The following KALRN variants were observed in gnomAD, a reference collection of about 807,000 sequenced individuals.
KALRN encodes kalirin RhoGEF kinase.
In KALRN, 70 loss-of-function variants were observed where a neutral mutation model predicts 353.7. The observed-to-expected ratio is 0.20, with a 90% CI of 0.16 to 0.24. The LOEUF is 0.24. Among genes scored for constraint, KALRN ranks in the 10% least tolerant of loss-of-function variants. The pLI is 1.00. For synonymous variants in KALRN, 1,391 were observed against 1,434.8 expected (o/e 0.97, Z 0.69); for missense variants, 2,791 against 3,756.7 (o/e 0.74, Z 6.72).
intron 1 of KALRN, among the ~76,000 whole-genome samples, chr3:124,182,061 G>A (rs577876945): frequency 1.2e-4 from 19 of 152,288 alleles, no homozygotes; most frequent in East Asian, 3.9e-4. Context: ...AAAATTATCC[G>A]AAGGGAATTA....
chr3:124,644,175 C>A (rs657715), intron 37 of KALRN, among the ~76,000 whole-genome samples: 35,541 of 151,656 alleles, frequency 0.23, 4,431 homozygotes, highest in East Asian at 0.46. Context: ...ATTTTCTATC[C>A]GTGTATATTT....
At chr3:124,472,741 C>G (rs1364276572) in intron 25 of KALRN, among the ~76,000 whole-genome samples, 1 of 152,056 alleles carries the variant, frequency 6.6e-6, no homozygotes, top group African/African-American at 2.4e-5. Flanking sequence ...AAAATTTGCA[C>G]TTTAATGGTC....
intron 10 of KALRN, among the ~76,000 whole-genome samples, chr3:124,372,621 T>G (rs2085999951): frequency 6.6e-6 from 1 of 151,776 alleles, no homozygotes; most frequent in Non-Finnish European, 1.5e-5. Flanking sequence ...ATTTATTTTT[T>G]TATTTATTAT....
chr3:124,449,263 G>A (rs943092167), intron 21 of KALRN, among the ~76,000 whole-genome samples: 18 of 152,090 alleles, frequency 1.2e-4, no homozygotes, highest in Admixed American at 2.0e-4. Context: ...TAATAATACT[G>A]TGGTCCAAAG....
chr3:124,595,643 T>C (rs2076199490), intron 34 of KALRN, among the ~76,000 whole-genome samples: 1 of 152,182 alleles, frequency 6.6e-6, no homozygotes, highest in South Asian at 2.1e-4. Context: ...AGTTCCAGAA[T>C]CAAAGGGTGT....
At chr3:124,067,825 G>T (rs2042501759) in intron 1 of KALRN, among the ~76,000 whole-genome samples, 1 of 152,232 alleles carries the variant, frequency 6.6e-6, no homozygotes, top group Non-Finnish European at 1.5e-5. Context: ...CTGATGAACT[G>T]CTCTGGGTTC....
intron 45 of KALRN, among the ~76,000 whole-genome samples, chr3:124,664,087 A>C (rs1161536969): frequency 6.6e-6 from 1 of 151,874 alleles, no homozygotes; most frequent in African/African-American, 2.4e-5. Flanking sequence ...GTTCTTAACC[A>C]TTTTTCTTCC....
chr3:124,226,802 C>T (rs2078560058), intron 1 of KALRN, among the ~76,000 whole-genome samples: 1 of 152,150 alleles, frequency 6.6e-6, no homozygotes, highest in South Asian at 2.1e-4. Flanking sequence ...TTGTTTTCCT[C>T]TGTCAATTGT....
intron 8 of KALRN, among the ~76,000 whole-genome samples, chr3:124,332,704 A>G (rs1291349735): frequency 6.6e-6 from 1 of 152,114 alleles, no homozygotes; most frequent in Non-Finnish European, 1.5e-5. Context: ...AGTGTTGGGG[A>G]ACCGAGGAAA....
chr3:124,146,486 G>C (rs561653098), intron 1 of KALRN, among the ~76,000 whole-genome samples: 1 of 152,256 alleles, frequency 6.6e-6, no homozygotes, highest in South Asian at 2.1e-4. Context: ...ACTGCAAATG[G>C]CTCGAGGAGA....
At chr3:124,344,294 G>T (rs541934451) in intron 9 of KALRN, among the ~76,000 whole-genome samples, 57 of 152,314 alleles carry the variant, frequency 3.7e-4, no homozygotes, top group African/African-American at 1.4e-3. Flanking sequence ...AGAATCTCAA[G>T]CCACACATAA....
Position 124,301,812 on chromosome 3 carries a change from G to C in KALRN, c.1092+2899G>C, listed in dbSNP as rs530098576. ...TGGATTGTTGTGTAGATTCACTGCA[G>C]CGTTTCCGTTCTTGGAAATTATACA... On this transcript the variant is annotated intron_variant, in intron 6 of 59. Coordinates refer to ENST00000682506, the MANE Select transcript of KALRN (RefSeq NM_001388419.1). Among the ~76,000 whole-genome samples the C allele has an allele frequency of 2.0e-5, 3 of 152,034 alleles. No individual in the cohort carries two copies. The South Asian group carries it at 6.2e-4, about 32-fold the overall frequency.
chr3:124,605,529 C>T (rs1171485615), intron 34 of KALRN, among the ~76,000 whole-genome samples: 1 of 150,072 alleles, frequency 6.7e-6, no homozygotes, highest in Non-Finnish European at 1.5e-5. Context: ...GCTGAGATCA[C>T]GCTATTGCAC....
chr3:124,276,833 C>T (rs1319717440), intron 5 of KALRN, among the ~76,000 whole-genome samples: 1 of 152,218 alleles, frequency 6.6e-6, no homozygotes, highest in African/African-American at 2.4e-5. Context: ...ATAGGGGCAT[C>T]ATTTCACAGA....
At chr3:124,064,076 C>T (rs2042166139) in intron 1 of KALRN, among the ~76,000 whole-genome samples, 1 of 152,100 alleles carries the variant, frequency 6.6e-6, no homozygotes, top group Non-Finnish European at 1.5e-5. Flanking sequence ...GTTTGATAGG[C>T]CCCATGTTAA....
Position 124,043,442 on chromosome 3 carries a change from A to G in KALRN, c.73+9629A>G, listed in dbSNP as rs578188373. ...AAAAGACAGAAGTAATAGATTGAGG[A>G]AGGTCCTGGATGAGCCTGGAGGGGT... On this transcript the variant is annotated intron_variant, in intron 1 of 59. Transcript: ENST00000682506. Among the ~76,000 whole-genome samples the G allele has an allele frequency of 1.1e-4, 17 of 152,150 alleles. No homozygotes were observed. In the South Asian group the frequency reaches 3.3e-3, roughly 30 times the overall value.
chr3:124,390,725 G>A (rs770668702), intron 11 of KALRN, among the ~76,000 whole-genome samples: 1 of 152,134 alleles, frequency 6.6e-6, no homozygotes. Flanking sequence ...TGTCAGCACA[G>A]TGGCTGCCCA....
chr3:124,146,451 GAA>G (rs929848720), intron 1 of KALRN, among the ~76,000 whole-genome samples: 2 of 151,400 alleles, frequency 1.3e-5, no homozygotes, highest in Admixed American at 6.6e-5. Context: ...AATAAAAGCA[GAA>G]AAAAAAATCA....
In KALRN at chr3:124,544,695, T is replaced by G. The variant is rs985627595; in HGVS notation, c.4936-18148T>G. On this transcript the variant is annotated intron_variant, in intron 33 of 59. Coordinates refer to ENST00000682506, the MANE Select transcript of KALRN (RefSeq NM_001388419.1). Reference sequence around the variant, plus strand: ...TTGATTATTTTGTCATTATCTTGATTACATCCTCAAGAATACAAACTCCAT... The same window carrying G: ...TTGATTATTTTGTCATTATCTTGATGACATCCTCAAGAATACAAACTCCAT... Among the ~76,000 whole-genome samples, 75 of 152,210 alleles carry G rather than the reference T, an allele frequency of 4.9e-4. 1 individual carries two copies. The highest frequency in any genetic ancestry group is 1.7e-3 in the African/African-American group (72 of 41,452).
Sources: gnomAD v4.1 joint callset for allele counts (sites outside exome capture counted in the v4.1 genomes callset) on GRCh38, gnomAD v4.1.1 for gene constraint, MANE v1.5 for transcripts, NCBI Gene and HGNC (gene_info 2026-07-23, HGNC 2026-07-21) for gene names.